Variants in RSPH1 observed in about 807,000 individuals in gnomAD.
RSPH1 encodes the protein radial spoke head 1 homolog.
In RSPH1, 32 loss-of-function variants were observed where a neutral mutation model predicts 44.2. That is an observed-to-expected ratio of 0.72 (90% CI 0.55 to 0.97). The LOEUF (loss-of-function observed/expected upper bound fraction) is 0.97, where lower values mean the gene tolerates loss of function less well. Among genes scored for constraint, RSPH1 ranks in the 50% least tolerant of loss-of-function variants. The probability of loss-of-function intolerance (pLI) is 0.00; values close to 1 mark genes in which losing one functional copy is unlikely to be tolerated. For missense variants in RSPH1, 391 were observed against 398.7 expected, an observed-to-expected ratio of 0.98 and a Z score of 0.16; for synonymous variants, 134 against 147.3, an observed-to-expected ratio of 0.91 and a Z score of 0.65.
At chr21:42,483,989 G>GGTGT (rs140033070) in intron 5 of RSPH1, among the ~76,000 whole-genome samples, 114 of 150,788 alleles carry the variant, frequency 7.6e-4, no homozygotes, top group Middle Eastern at 3.4e-3. Context: ...TTGCTTCATT[G>GGTGT]GTGTGTGTGT....
intron 3 of RSPH1, 100 bp downstream of exon 3, chr21:42,492,658 T>A (rs2054247448): frequency 1.4e-6 from 1 of 708,544 alleles, no homozygotes; most frequent in Admixed American, 2.3e-5. Context: ...ACTGGAGAAC[T>A]TTAAGCTTTC....
At chr21:42,486,040 T>A in intron 4 of RSPH1, 1 of 598,934 alleles carries the variant, frequency 1.7e-6, no homozygotes. Flanking sequence ...CTCCTGTGTG[T>A]CAGCTGCTTT....
chr21:42,489,260 G>A (rs1221739809), intron 3 of RSPH1, among the ~76,000 whole-genome samples: 2 of 151,914 alleles, frequency 1.3e-5, no homozygotes, highest in African/African-American at 4.8e-5. Flanking sequence ...TGGTTGGCTG[G>A]TTGGCTGGTT....
intron 6 of RSPH1, among the ~76,000 whole-genome samples, chr21:42,478,762 A>G (rs2054096814): frequency 6.6e-6 from 1 of 152,278 alleles, no homozygotes; most frequent in South Asian, 2.1e-4. Context: ...TCACTGCAGC[A>G]TTATTCATAA....
In RSPH1 at chr21:42,474,119, T is replaced by C. The variant is rs1229639274; in HGVS notation, c.878-1249A>G. 1.3e-5 allele frequency among the ~76,000 whole-genome samples: 2 copies of C among 152,166 alleles called. No individual in the cohort carries two copies. The highest frequency in any genetic ancestry group is 3.8e-4 in the East Asian group (2 of 5,196). On this transcript the variant is annotated intron_variant, in intron 8 of 8. Transcript: ENST00000291536. The surrounding 1 kb of genome is among the most constrained non-coding windows in gnomAD (Gnocchi z 5.2). ...TTGCCTGGCTCCAGGGCACCCATCC[T>C]CATTGCCCCAGAGAAGCTCAGAGAG...
At chr21:42,481,384 T>C (rs2054126720) in intron 6 of RSPH1, among the ~76,000 whole-genome samples, 1 of 152,042 alleles carries the variant, frequency 6.6e-6, no homozygotes, top group Admixed American at 6.5e-5. Flanking sequence ...AATAAACCTC[T>C]CTTCTTTATA....
rs144240955 is a variant in RSPH1, at chr21:42,496,176, A to G, written c.11T>C (p.Leu4Pro). 5 of 1,614,026 alleles carry G rather than the reference A, an allele frequency of 3.1e-6. No individual in the cohort carries two copies. Among genetic ancestry groups the G allele is most frequent in the African/African-American group, 2.7e-5 (2 of 74,924 alleles). The change falls in exon 1 of 9, where the codon CTG becomes CCG. Residue 4 changes from leucine to proline, a missense_variant. Leu to Pro is a moderately conservative substitution (Grantham distance 98). Coordinates refer to ENST00000291536, the MANE Select transcript of RSPH1 (RefSeq NM_080860.4). ...CTCCTCCTCCAACTCCTCCGAGCCC[A>G]GGTCCGACATGGTCTCGCCCCAGCC... The part of the protein sequence containing the change: MSD[L>P]GSEELEEEGE...
In RSPH1 at chr21:42,477,426, C is replaced by G; in HGVS notation, c.592G>C (p.Glu198Gln). 1 of 1,614,072 alleles carries G rather than the reference C, an allele frequency of 6.2e-7. No individual in the cohort carries two copies. The highest frequency in any genetic ancestry group is 8.5e-7 in the Non-Finnish European group (1 of 1,179,920). ...ACAACAGTTACTAATTCTTCCTCCT[C>G]TTCCTCTTCTCCTCTTTCCTATTTT... ...LTDMERGEEE[E>Q]EEELVTVVPK... Residue 198 changes from glutamate to glutamine, a missense_variant, in exon 7 of 9, where the codon GAG becomes CAG. Glu to Gln is a conservative substitution (Grantham distance 29). Coordinates refer to ENST00000291536, the MANE Select transcript of RSPH1 (RefSeq NM_080860.4).
rs376500424 is a variant in RSPH1, at chr21:42,475,951, C to T, written c.824G>A (p.Arg275Gln). 48 of 1,612,176 alleles carry T rather than the reference C, an allele frequency of 3.0e-5. No homozygotes were observed. Among genetic ancestry groups the T allele is most frequent in the South Asian group, 7.7e-5 (7 of 90,784 alleles). Residue 275 changes from arginine to glutamine, a missense_variant, in exon 8 of 9, where the codon CGG becomes CAG. Coordinates refer to ENST00000291536, the MANE Select transcript of RSPH1 (RefSeq NM_080860.4). ...RPGDEDADVL[R>Q]EESREYDQEE... Reference sequence around the variant, plus strand: ...CTGGTCATACTCCCGGCTCTCTTCCCGGAGGACGTCTGCATCTTCATCTCC... The same window carrying T: ...CTGGTCATACTCCCGGCTCTCTTCCTGGAGGACGTCTGCATCTTCATCTCC...
intron 3 of RSPH1, among the ~76,000 whole-genome samples, chr21:42,489,708 T>G (rs2146660180): frequency 6.6e-6 from 1 of 152,304 alleles, no homozygotes; most frequent in East Asian, 1.9e-4. Flanking sequence ...GTGTAATCGC[T>G]GAAATATGGT....
chr21:42,481,111 C>T (rs947766704), intron 6 of RSPH1, among the ~76,000 whole-genome samples: 6 of 152,020 alleles, frequency 3.9e-5, no homozygotes, highest in African/African-American at 1.4e-4. Flanking sequence ...GTTTGGGTCA[C>T]GGGGGCAGAT....
intron 6 of RSPH1, among the ~76,000 whole-genome samples, chr21:42,478,232 C>T (rs938232305): frequency 2.0e-5 from 3 of 152,236 alleles, no homozygotes; most frequent in Non-Finnish European, 2.9e-5. Flanking sequence ...TGGAACACTT[C>T]GCTGCCACAT....
intron 8 of RSPH1, among the ~76,000 whole-genome samples, chr21:42,473,109 G>T (rs2054009977): frequency 6.6e-6 from 1 of 152,162 alleles, no homozygotes; most frequent in African/African-American, 2.4e-5. Context: ...GACTATCCAT[G>T]TAACATCAGT....
chr21:42,475,965 A>G lies in RSPH1; in HGVS notation c.810T>C (p.Asp270=). Residue 270 remains aspartate (D), a synonymous_variant, in exon 8 of 9, where the codon GAT becomes GAC. Coordinates refer to ENST00000291536, the MANE Select transcript of RSPH1 (RefSeq NM_080860.4). Reference sequence around the variant, plus strand: ...GGCTCTCTTCCCGGAGGACGTCTGCATCTTCATCTCCAGGCCTCATGTCCA... The same window carrying G: ...GGCTCTCTTCCCGGAGGACGTCTGCGTCTTCATCTCCAGGCCTCATGTCCA... ...GEMDMRPGDE[D]ADVLREESRE... is the part of the protein sequence containing the mutation. The G allele has an allele frequency of 2.5e-6, 4 of 1,612,150 alleles. No homozygotes were observed. Among genetic ancestry groups the G allele is most frequent in the Middle Eastern group, 1.6e-4 (1 of 6,062 alleles).
chr21:42,486,161 C>G (rs553447407), intron 4 of RSPH1: 2 of 587,166 alleles, frequency 3.4e-6, no homozygotes, highest in Admixed American at 5.8e-5. Context: ...TGCTCTGCCC[C>G]AACTGAGGTG....
At chr21:42,488,499 T>C (rs1040661376) in intron 3 of RSPH1, among the ~76,000 whole-genome samples, 1 of 152,170 alleles carries the variant, frequency 6.6e-6, no homozygotes, top group Non-Finnish European at 1.5e-5. Flanking sequence ...CCAACAAAAC[T>C]TCATGACAAA....
intron 6 of RSPH1, among the ~76,000 whole-genome samples, chr21:42,481,845 A>G (rs2054130648): frequency 6.6e-6 from 1 of 152,244 alleles, no homozygotes. Flanking sequence ...TTAGCTGACT[A>G]GCTTTACTAT....
At chr21:42,483,237 A>C (rs1341221192) in intron 5 of RSPH1, among the ~76,000 whole-genome samples, 1 of 141,810 alleles carries the variant, frequency 7.1e-6, no homozygotes, top group Non-Finnish European at 1.6e-5. Context: ...TGGGATACTG[A>C]TTTTTTTTTT....
intron 3 of RSPH1, among the ~76,000 whole-genome samples, chr21:42,488,866 T>C (rs544400748): frequency 6.6e-5 from 10 of 152,354 alleles, no homozygotes; most frequent in Admixed American, 1.3e-4. Context: ...TATTGTGGCT[T>C]TAAATTTGCA....
Sources: allele counts gnomAD v4.1 joint callset (sites outside exome capture counted in the v4.1 genomes callset), GRCh38; gene constraint gnomAD v4.1.1; non-coding constraint Gnocchi (gnomAD v3.1); transcripts MANE v1.5; gene names NCBI Gene and HGNC (gene_info 2026-07-23, HGNC 2026-07-21).